RSRC1: variants seen among roughly 807,000 people sequenced by gnomAD.
RSRC1 encodes the protein arginine and serine rich coiled-coil 1, also known as serine/Arginine-related protein 53.
In RSRC1, 39 loss-of-function variants were observed where a neutral mutation model predicts 49.1. The ratio of observed to expected loss-of-function variants is 0.79; its 90% confidence interval spans 0.61 to 1.04. The LOEUF is 1.04. RSRC1 is among the 50% of genes least tolerant of loss of function. RSRC1 has a pLI of 0.00. For synonymous variants in RSRC1, 143 were observed against 130.8 expected, an observed-to-expected ratio of 1.09 and a Z score of -0.63; for missense variants, 388 against 402.4, an observed-to-expected ratio of 0.96 and a Z score of 0.31.
intron 3 of RSRC1, among the ~76,000 whole-genome samples, chr3:158,158,962 G>A (rs957204056): frequency 6.6e-6 from 1 of 150,540 alleles, no homozygotes; most frequent in Middle Eastern, 3.2e-3. Flanking sequence ...AAAAGAAATA[G>A]TGTTTTTCCT....
intron 6 of RSRC1, among the ~76,000 whole-genome samples, chr3:158,411,510 C>CTTTTTTTTTTTTT (rs57004919): frequency 6.7e-6 from 1 of 149,498 alleles, no homozygotes; most frequent in Non-Finnish European, 1.5e-5. Context: ...TCTACTTTCT[C>CTTTTTTTTTTTTT]TTTTTTTTTT....
At chr3:158,193,381 AG>A (rs1720353796) in intron 3 of RSRC1, among the ~76,000 whole-genome samples, 1 of 152,108 alleles carries the variant, frequency 6.6e-6, no homozygotes. Flanking sequence ...TTTAATAAAA[AG>A]GGGCAAATGA....
intron 7 of RSRC1, among the ~76,000 whole-genome samples, chr3:158,474,364 C>T (rs2108426590): frequency 6.6e-6 from 1 of 152,320 alleles, no homozygotes; most frequent in Admixed American, 6.5e-5. Flanking sequence ...TGAATACATA[C>T]TTCATTGCTA....
rs75174632 is a variant in RSRC1, at chr3:158,267,407, G to A, written c.495-30632G>A. Among the ~76,000 whole-genome samples, 50 of 151,746 alleles carry A rather than the reference G, an allele frequency of 3.3e-4. No homozygotes were observed. The East Asian group carries it at 9.5e-3, about 29-fold the overall frequency. ...AATAAATGTTTTCCCCCAAATTTGA[G>A]AACTTTTATGCTATTATTTCTTCAG... On this transcript the variant is annotated intron_variant, in intron 4 of 9. Coordinates refer to ENST00000611884, the MANE Select transcript of RSRC1 (RefSeq NM_001271838.2).
intron 5 of RSRC1, among the ~76,000 whole-genome samples, chr3:158,347,362 CACCATT>C (rs1175387147): frequency 2.0e-5 from 3 of 152,148 alleles, no homozygotes; most frequent in Admixed American, 2.0e-4. Context: ...AGTACTCTAG[CACCATT>C]TCCCTATGAG....
At chr3:158,175,073 A>G (rs551245123) in intron 3 of RSRC1, among the ~76,000 whole-genome samples, 3 of 152,202 alleles carry the variant, frequency 2.0e-5, no homozygotes, top group South Asian at 2.1e-4. Flanking sequence ...TGATTAATGA[A>G]GTTGAGCACA....
chr3:158,376,056 T>TTCCC (rs1227918212), intron 6 of RSRC1, among the ~76,000 whole-genome samples: 5 of 149,784 alleles, frequency 3.3e-5, no homozygotes, highest in Admixed American at 6.6e-5. Flanking sequence ...TTCTGTACAG[T>TTCCC]TCCCTCCCTC....
At chr3:158,528,941 C>T (rs1158410455) in intron 7 of RSRC1, among the ~76,000 whole-genome samples, 1 of 151,610 alleles carries the variant, frequency 6.6e-6, no homozygotes, top group Non-Finnish European at 1.5e-5. Flanking sequence ...TTTTTTGTAA[C>T]AATTGCTGAA....
intron 5 of RSRC1, among the ~76,000 whole-genome samples, chr3:158,309,674 G>T (rs1322478480): frequency 6.6e-6 from 1 of 151,524 alleles, no homozygotes; most frequent in Non-Finnish European, 1.5e-5. Flanking sequence ...GTAAAATTTT[G>T]GTAATGCATA....
chr3:158,411,162 A>G (rs11716969), intron 6 of RSRC1, among the ~76,000 whole-genome samples: 33,072 of 152,006 alleles, frequency 0.22, 4,215 homozygotes, highest in Non-Finnish European at 0.29. Flanking sequence ...CATTTTATGA[A>G]CATATTACAA....
At position 158,328,817 on chromosome 3, in the gene RSRC1, TA is replaced by T. The variant is rs1211547708; in HGVS notation, c.532-26039del. ...AGGGTGGGAAAGTTCTCCTGGATAA[TA>T]TCCTGAAGAGTGTTTTCCAGCTTGG... On this transcript the variant is annotated intron_variant, in intron 5 of 9. Transcript: ENST00000611884. 5.3e-5 allele frequency among the ~76,000 whole-genome samples: 8 copies of T among 152,320 alleles called. No homozygotes were observed. In the East Asian group the frequency reaches 1.5e-3, roughly 29 times the overall value.
chr3:158,228,887 A>AT (rs149320397), intron 4 of RSRC1, among the ~76,000 whole-genome samples: 437 of 1,552 alleles, frequency 0.28, 49 homozygotes, highest in African/African-American at 0.51. Context: ...ACATACGTGT[A>AT]ATGTGTATAT....
At chr3:158,510,587 G>A (rs949093743) in intron 7 of RSRC1, among the ~76,000 whole-genome samples, 7 of 152,052 alleles carry the variant, frequency 4.6e-5, no homozygotes, top group African/African-American at 1.7e-4. Flanking sequence ...GGCATGCAAT[G>A]CATAATAATC....
intron 4 of RSRC1, among the ~76,000 whole-genome samples, chr3:158,261,580 G>A (rs992983224): frequency 1.3e-5 from 2 of 152,220 alleles, no homozygotes; most frequent in African/African-American, 4.8e-5. Flanking sequence ...CAGGAGGTGA[G>A]TTGTGGAGTA....
At chr3:158,213,750 A>G (rs1423796183) in intron 4 of RSRC1, among the ~76,000 whole-genome samples, 1 of 151,956 alleles carries the variant, frequency 6.6e-6, no homozygotes, top group South Asian at 2.1e-4. Flanking sequence ...AGAAAGATAA[A>G]GGAGGGCATT....
At chr3:158,167,711 G>A (rs1034911113) in intron 3 of RSRC1, among the ~76,000 whole-genome samples, 24 of 152,148 alleles carry the variant, frequency 1.6e-4, no homozygotes, top group African/African-American at 5.6e-4. Context: ...GCTTTCATCT[G>A]TATATTTAAC....
intron 4 of RSRC1, among the ~76,000 whole-genome samples, chr3:158,288,680 A>G (rs1225295326): frequency 1.3e-5 from 2 of 152,174 alleles, no homozygotes; most frequent in East Asian, 3.8e-4. Context: ...ATAAAATGGC[A>G]TAGTATTTGT....
chr3:158,503,275 G>A (rs1739689991), intron 7 of RSRC1, among the ~76,000 whole-genome samples: 1 of 152,152 alleles, frequency 6.6e-6, no homozygotes, highest in Non-Finnish European at 1.5e-5. Flanking sequence ...ACCAGCATCT[G>A]TTCCAGTGGA....
chr3:158,259,114 C>T (rs899357161), intron 4 of RSRC1, among the ~76,000 whole-genome samples: 1 of 152,140 alleles, frequency 6.6e-6, no homozygotes, highest in East Asian at 1.9e-4. Context: ...GATTCTTCTG[C>T]GTGTTCATCG....
Sources: allele counts gnomAD v4.1 joint callset (sites outside exome capture counted in the v4.1 genomes callset), GRCh38; gene constraint gnomAD v4.1.1; transcripts MANE v1.5; gene names NCBI Gene and HGNC (gene_info 2026-07-23, HGNC 2026-07-21).